XPNPEP3: variants seen among roughly 807,000 people sequenced by gnomAD.
XPNPEP3 encodes xaa-Pro aminopeptidase 3.
A neutral mutation model predicts 60.0 loss-of-function variants in XPNPEP3; 41 were observed. The ratio of observed to expected loss-of-function variants is 0.68; its 90% confidence interval spans 0.53 to 0.89. The LOEUF is 0.89. Among genes scored for constraint, XPNPEP3 ranks in the 40% least tolerant of loss-of-function variants. The pLI is 0.00. For missense variants in XPNPEP3, 598 were observed against 638.9 expected (o/e 0.94, Z 0.69); for synonymous variants, 212 against 223.2 (o/e 0.95, Z 0.45).
chr22:40,861,849 A>G, intron 1 of XPNPEP3: 3 of 1,613,864 alleles, frequency 1.9e-6, no homozygotes, highest in Non-Finnish European at 2.5e-6. Context: ...TGCCTCAGCT[A>G]CTTCTTTGAA....
rs140088281 is a variant in XPNPEP3 at position 40,870,388 on chromosome 22, T to C, written c.181+1273T>C. 884 of 209,546 alleles carry C rather than the reference T, an allele frequency of 4.2e-3. 6 individuals are homozygous for C. Among genetic ancestry groups the C allele is most frequent in the Non-Finnish European group, 6.5e-3 (660 of 101,230 alleles). The allele number at this position is 209,546 out of a possible 1,614,324, so 13.0% of individuals were successfully genotyped here. A position where few individuals can be genotyped will look rare whatever the true frequency, so the allele number is the denominator to read the frequency against. ...TTTGCTCTATACCTTAAGTGCATGT[T>C]AAGTATAAGTGAATGTAAATAAATA... On this transcript the variant is annotated intron_variant, in intron 2 of 9. Coordinates refer to ENST00000357137, the MANE Select transcript of XPNPEP3 (RefSeq NM_022098.4).
chr22:40,924,228 C>G (rs2058226690), intron 8 of XPNPEP3, 134 bp from the exon 9 acceptor site: 1 of 1,277,328 alleles, frequency 7.8e-7, no homozygotes, highest in African/African-American at 1.5e-5. Context: ...TAAGTATTAG[C>G]CCAAGGAGGG....
At chr22:40,900,615 A>AG (rs2146264661) in intron 4 of XPNPEP3, among the ~76,000 whole-genome samples, 1 of 152,156 alleles carries the variant, frequency 6.6e-6, no homozygotes, top group African/African-American at 2.4e-5. Flanking sequence ...CAAAAAAAAA[A>AG]TAATTAAACT....
chr22:40,873,927 T>C (rs1326902690), intron 2 of XPNPEP3, among the ~76,000 whole-genome samples: 1 of 152,198 alleles, frequency 6.6e-6, no homozygotes, highest in Non-Finnish European at 1.5e-5. Context: ...AATCCCCAAA[T>C]CTTTTTCCCT....
chr22:40,912,864 C>A (rs1478064924), intron 6 of XPNPEP3, among the ~76,000 whole-genome samples: 1 of 151,894 alleles, frequency 6.6e-6, no homozygotes, highest in South Asian at 2.1e-4. Context: ...GAGCAAGACT[C>A]CATCTCAAAA....
At chr22:40,867,249 C>G (rs2057983099) in intron 1 of XPNPEP3, among the ~76,000 whole-genome samples, 1 of 152,122 alleles carries the variant, frequency 6.6e-6, no homozygotes, top group African/African-American at 2.4e-5. Flanking sequence ...ACACTTAGTA[C>G]CAGAGAAGCT....
chr22:40,903,069 A>G (rs2058140971), intron 4 of XPNPEP3, among the ~76,000 whole-genome samples: 1 of 152,198 alleles, frequency 6.6e-6, no homozygotes, highest in Non-Finnish European at 1.5e-5. Flanking sequence ...AGTACAAAGC[A>G]TTGATCTGTT....
At position 40,857,154 on chromosome 22, in the gene XPNPEP3, C is replaced by G. The variant is rs369687517; in HGVS notation, c.-28C>G. On this transcript the variant is annotated 5_prime_UTR_variant, in exon 1 of 10. Transcript: ENST00000357137. ...TGCGTTCCCCGTCGTTACCCTCTTT[C>G]TCTTCCCGACGCGTGAGTTAGGCCG... The G allele has an allele frequency of 1.6e-4, 257 of 1,613,624 alleles. No individual in the cohort carries two copies. Among genetic ancestry groups the G allele is most frequent in the Non-Finnish European group, 2.0e-4 (241 of 1,179,812 alleles).
At chr22:40,877,021 C>G (rs1009037190) in intron 2 of XPNPEP3, among the ~76,000 whole-genome samples, 4 of 152,210 alleles carry the variant, frequency 2.6e-5, no homozygotes, top group African/African-American at 9.6e-5. Context: ...CTCCTCCAGT[C>G]AGTCTCCACC....
intron 1 of XPNPEP3, among the ~76,000 whole-genome samples, chr22:40,858,747 G>A (rs1471412067): frequency 6.6e-6 from 1 of 151,864 alleles, no homozygotes. Context: ...GGCCAGGCTG[G>A]TTTTGAACCC....
chr22:40,914,428 C>G, intron 7 of XPNPEP3, 104 bp downstream of exon 7: 1 of 998,970 alleles, frequency 1.0e-6, no homozygotes, highest in South Asian at 1.3e-5. Context: ...TAGGTCCATT[C>G]CTGGTCAAGT....
In XPNPEP3 at chr22:40,907,604, G is replaced by T. The variant is rs374582090; in HGVS notation, c.810G>T (p.Met270Ile). 2.2e-5 allele frequency: 36 copies of T among 1,613,934 alleles called. No homozygotes were observed. The highest frequency in any genetic ancestry group is 2.9e-5 in the Non-Finnish European group (34 of 1,179,966). ...KLTSQAFIET[M>I]FTSKAPVEEA... Reference sequence around the variant, plus strand: ...CTTTGCAGGCTTTCATAGAAACCATGTTCACCAGTAAAGCCCCTGTGGAAG... The same window carrying T: ...CTTTGCAGGCTTTCATAGAAACCATTTTCACCAGTAAAGCCCCTGTGGAAG... Residue 270 changes from methionine (M) to isoleucine (I), a missense_variant, in exon 5 of 10, where the codon ATG (methionine) becomes ATT (isoleucine). Met to Ile is a conservative substitution (Grantham distance 10). Transcript: ENST00000357137.
chr22:40,884,947 G>A (rs2058062801), intron 3 of XPNPEP3, among the ~76,000 whole-genome samples: 1 of 151,626 alleles, frequency 6.6e-6, no homozygotes, highest in Admixed American at 6.6e-5. Flanking sequence ...GGAATTGCTT[G>A]AACCAGGGAG....
intron 1 of XPNPEP3, among the ~76,000 whole-genome samples, chr22:40,863,970 G>A (rs955957089): frequency 6.6e-5 from 10 of 152,102 alleles, no homozygotes; most frequent in African/African-American, 2.2e-4. Context: ...TGCTGTTACC[G>A]GAAAGGGGTC....
chr22:40,896,510 A>G (rs1326930101), intron 4 of XPNPEP3, among the ~76,000 whole-genome samples: 5 of 152,164 alleles, frequency 3.3e-5, no homozygotes, highest in Non-Finnish European at 5.9e-5. Flanking sequence ...TACTAAAAAT[A>G]TAGAAAATTA....
chr22:40,907,998 C>A (rs1466842628), intron 5 of XPNPEP3, among the ~76,000 whole-genome samples: 1 of 151,998 alleles, frequency 6.6e-6, no homozygotes, highest in East Asian at 1.9e-4. Context: ...CAGATCACTT[C>A]AGGCCAGGAG....
chr22:40,880,775 G>A (rs368100944), intron 2 of XPNPEP3, among the ~76,000 whole-genome samples: 1 of 144,930 alleles, frequency 6.9e-6, no homozygotes, highest in Non-Finnish European at 1.5e-5. Context: ...GGGAGATAGC[G>A]AGACTCCCTC....
At chr22:40,868,658 C>T (rs148542654) in intron 1 of XPNPEP3, among the ~76,000 whole-genome samples, 1 of 151,952 alleles carries the variant, frequency 6.6e-6, no homozygotes, top group Non-Finnish European at 1.5e-5. Flanking sequence ...AGTTCGAGAC[C>T]AGCCTGGCCA....
intron 4 of XPNPEP3, among the ~76,000 whole-genome samples, chr22:40,901,074 G>A (rs1436170959): frequency 7.9e-5 from 12 of 151,896 alleles, no homozygotes. Flanking sequence ...GGGCAACATA[G>A]TGAGACCTCC....
Sources: gnomAD v4.1 joint callset for allele counts (sites outside exome capture counted in the v4.1 genomes callset) on GRCh38, gnomAD v4.1.1 for gene constraint, MANE v1.5 for transcripts, NCBI Gene and HGNC (gene_info 2026-07-23, HGNC 2026-07-21) for gene names.